Variants in SEMA5A observed in about 807,000 individuals in gnomAD.
SEMA5A encodes semaphorin 5A.
A neutral mutation model predicts 135.5 loss-of-function variants in SEMA5A; 55 were observed. That is an observed-to-expected ratio of 0.41 (90% CI 0.33 to 0.51). The LOEUF (loss-of-function observed/expected upper bound fraction) is 0.51. Ranked by LOEUF, SEMA5A falls within the 20% of genes least tolerant of loss-of-function variation. The pLI is 0.37. For missense variants in SEMA5A, 1,290 were observed against 1,419.9 expected, an observed-to-expected ratio of 0.91 and a Z score of 1.47; for synonymous variants, 580 against 546.5, an observed-to-expected ratio of 1.06 and a Z score of -0.85.
At chr5:9,116,810 A>G (rs1205030490) in intron 15 of SEMA5A, among the ~76,000 whole-genome samples, 1 of 152,214 alleles carries the variant, frequency 6.6e-6, no homozygotes, top group African/African-American at 2.4e-5. Flanking sequence ...AAACATCTGC[A>G]TTGTTGGAAT....
chr5:9,179,388 A>C (rs1190231761), intron 11 of SEMA5A, among the ~76,000 whole-genome samples: 1 of 152,240 alleles, frequency 6.6e-6, no homozygotes, highest in Non-Finnish European at 1.5e-5. Context: ...AGGTGGGTCC[A>C]AAGCAAAGCA....
intron 16 of SEMA5A, among the ~76,000 whole-genome samples, chr5:9,099,126 A>G (rs1739483368): frequency 6.6e-6 from 1 of 152,174 alleles, no homozygotes. Flanking sequence ...TGATGGATTA[A>G]TTCCTATAAT....
intron 13 of SEMA5A, among the ~76,000 whole-genome samples, chr5:9,129,413 G>C (rs982194734): frequency 6.6e-6 from 1 of 152,218 alleles, no homozygotes. Context: ...TCAGAATGAG[G>C]ACTTGCAATC....
At chr5:9,429,523 A>G (rs1032480327) in intron 2 of SEMA5A, among the ~76,000 whole-genome samples, 1 of 152,240 alleles carries the variant, frequency 6.6e-6, no homozygotes, top group Non-Finnish European at 1.5e-5. Flanking sequence ...TGTATCAGAC[A>G]GTGCTAAGTT....
At chr5:9,199,837 C>T (rs936488776) in intron 9 of SEMA5A, among the ~76,000 whole-genome samples, 2 of 152,126 alleles carry the variant, frequency 1.3e-5, no homozygotes, top group African/African-American at 4.8e-5. Context: ...AGTAGCACAC[C>T]ATTTTCTGCA....
rs1735936576 is a variant in SEMA5A, at chr5:9,041,015, T to TATAG, written c.*1878_*1881dup. 1 of 152,230 alleles carries TATAG rather than the reference T, an allele frequency of 6.6e-6. No individual in the cohort carries two copies. The highest frequency in any genetic ancestry group is 1.5e-5 in the Non-Finnish European group (1 of 68,046). 9.4% of individuals were successfully genotyped at this position (152,230 alleles called of 1,614,324 possible). On this transcript the variant is annotated 3_prime_UTR_variant, in exon 23 of 23. Coordinates refer to ENST00000382496, the MANE Select transcript of SEMA5A (RefSeq NM_003966.3). ...TGAGTATGGACTTTGAGCATGTGCATATAGACAGAAGACTCTGACATATGA... is the reference window on the plus strand; with the variant it reads ...TGAGTATGGACTTTGAGCATGTGCATATAGATAGACAGAAGACTCTGACATATGA...
intron 12 of SEMA5A, among the ~76,000 whole-genome samples, chr5:9,153,940 G>A (rs1414912749): frequency 3.3e-5 from 5 of 150,374 alleles, no homozygotes; most frequent in African/African-American, 1.2e-4. Context: ...CAGCTACTTG[G>A]GAGGCTGAGG....
chr5:9,534,435 G>C (rs1304951433), intron 1 of SEMA5A, among the ~76,000 whole-genome samples: 1 of 152,156 alleles, frequency 6.6e-6, no homozygotes, highest in Non-Finnish European at 1.5e-5. Context: ...CTGCACTAAA[G>C]TCCATGTGTT....
At chr5:9,476,762 C>T (rs544117487) in intron 1 of SEMA5A, among the ~76,000 whole-genome samples, 74 of 152,268 alleles carry the variant, frequency 4.9e-4, no homozygotes, top group African/African-American at 1.7e-3. Flanking sequence ...AATAAAAATA[C>T]CCATTGCCAT....
At chr5:9,046,396 C>T (rs1736255688) in intron 21 of SEMA5A, among the ~76,000 whole-genome samples, 1 of 152,206 alleles carries the variant, frequency 6.6e-6, no homozygotes, top group Admixed American at 6.5e-5. Flanking sequence ...GTCTCCTCCC[C>T]AGGGATTTTC....
chr5:9,104,540 A>G (rs556628378), intron 16 of SEMA5A, among the ~76,000 whole-genome samples: 1 of 152,318 alleles, frequency 6.6e-6, no homozygotes, highest in African/African-American at 2.4e-5. Flanking sequence ...TATTTTATAA[A>G]TGTCTATGTT....
intron 3 of SEMA5A, among the ~76,000 whole-genome samples, chr5:9,375,276 C>A (rs901127598): frequency 6.6e-6 from 1 of 152,082 alleles, no homozygotes; most frequent in Non-Finnish European, 1.5e-5. Flanking sequence ...GAAACGGCAC[C>A]TTTGCAGACA....
intron 21 of SEMA5A, among the ~76,000 whole-genome samples, chr5:9,049,002 G>A (rs959746970): frequency 3.7e-4 from 57 of 152,226 alleles, no homozygotes; most frequent in African/African-American, 1.2e-3. Flanking sequence ...CTGGGACTGC[G>A]TGGGTGCCCA....
At position 9,201,742 on chromosome 5, in the gene SEMA5A, G is replaced by C. The variant is rs574387326; in HGVS notation, c.932+213C>G. ...CCTAAAGATTGACAAAAACTTTCTT[G>C]ATTTGGCGTATTTTTCCTAATACCA... On this transcript the variant is annotated intron_variant, in intron 9 of 22. Transcript: ENST00000382496. 1.3e-4 allele frequency among the ~76,000 whole-genome samples: 20 copies of C among 152,292 alleles called. 1 individual carries two copies. In the East Asian group the frequency reaches 3.9e-3, roughly 29 times the overall value.
intron 8 of SEMA5A, among the ~76,000 whole-genome samples, chr5:9,217,152 G>C (rs1164433399): frequency 6.6e-6 from 1 of 152,170 alleles, no homozygotes; most frequent in African/African-American, 2.4e-5. Context: ...CTCCTTTCAA[G>C]ATCTCTTGTA....
intron 11 of SEMA5A, among the ~76,000 whole-genome samples, chr5:9,189,347 A>G (rs1182350927): frequency 1.3e-5 from 2 of 152,108 alleles, no homozygotes; most frequent in African/African-American, 4.8e-5. Context: ...CAGTGTTTCA[A>G]ATGAACTCCA....
At chr5:9,373,597 C>T (rs1371855284) in intron 3 of SEMA5A, among the ~76,000 whole-genome samples, 1 of 152,160 alleles carries the variant, frequency 6.6e-6, no homozygotes, top group Non-Finnish European at 1.5e-5. Flanking sequence ...AGTAGGAGGA[C>T]ACTCTACAGG....
intron 2 of SEMA5A, among the ~76,000 whole-genome samples, chr5:9,396,923 T>G (rs985156012): frequency 1.3e-5 from 2 of 152,162 alleles, no homozygotes; most frequent in African/African-American, 4.8e-5. Context: ...ATTTTTAACA[T>G]AGATGTCAGC....
intron 2 of SEMA5A, among the ~76,000 whole-genome samples, chr5:9,429,537 T>C (rs1404808552): frequency 2.0e-5 from 3 of 152,290 alleles, no homozygotes; most frequent in East Asian, 1.9e-4. Context: ...CTAAGTTCTT[T>C]ACAAGAAAAG....
Sources: gnomAD v4.1 joint callset for allele counts (sites outside exome capture counted in the v4.1 genomes callset) on GRCh38, gnomAD v4.1.1 for gene constraint, MANE v1.5 for transcripts, NCBI Gene and HGNC (gene_info 2026-07-23, HGNC 2026-07-21) for gene names.